ZNF736: variants seen among roughly 807,000 people sequenced by gnomAD.
ZNF736 encodes the protein KRAB-containing zinc-finger repressor protein.
A neutral mutation model predicts 11.7 loss-of-function variants in ZNF736; 6 were observed. That is an observed-to-expected ratio of 0.51 (90% CI 0.28 to 1.01). The LOEUF (loss-of-function observed/expected upper bound fraction) is 1.01. Ranked by LOEUF, ZNF736 falls within the 50% of genes least tolerant of loss-of-function variation. ZNF736 has a pLI of 0.09. For missense variants in ZNF736, 444 were observed against 496.0 expected, an observed-to-expected ratio of 0.90 and a Z score of 1.00; for synonymous variants, 139 against 164.7, an observed-to-expected ratio of 0.84 and a Z score of 1.19.
At chr7:64,335,898 A>G (rs1171461239) in intron 1 of ZNF736, among the ~76,000 whole-genome samples, 1 of 152,210 alleles carries the variant, frequency 6.6e-6, no homozygotes, top group African/African-American at 2.4e-5. Context: ...ATTGCTATAC[A>G]CAATAAGATT....
intron 1 of ZNF736, among the ~76,000 whole-genome samples, chr7:64,317,548 C>T (rs1319474788): frequency 6.6e-6 from 1 of 152,088 alleles, no homozygotes; most frequent in Non-Finnish European, 1.5e-5. Context: ...AGACATTACC[C>T]TTCAATTTAG....
chr7:64,348,075 A>ATT lies in ZNF736; in HGVS notation c.227-8_227-7dup. The ATT allele has an allele frequency of 6.8e-7, 1 of 1,471,704 alleles. No homozygotes were observed. 91.2% of individuals were successfully genotyped at this position (1,471,704 alleles called of 1,614,324 possible). A position where few individuals can be genotyped will look rare whatever the true frequency, so the allele number is the denominator to read the frequency against. Reference sequence around the variant, plus strand: ...CCTGAGTCTAATGAGGGAGAATTTTATTTTTTTTCTCCAGCTGGTTCTTTT... The same window carrying ATT: ...CCTGAGTCTAATGAGGGAGAATTTTATTTTTTTTTTCTCCAGCTGGTTCTTTT... On this transcript the variant is annotated splice_polypyrimidine_tract_variant and intron_variant, in intron 3 of 3. Transcript: ENST00000423484.
At chr7:64,314,364 A>C (rs1788881437) in intron 1 of ZNF736, among the ~76,000 whole-genome samples, 3 of 151,826 alleles carry the variant, frequency 2.0e-5, no homozygotes, top group Non-Finnish European at 4.4e-5. Context: ...TTGTCCCTAA[A>C]CTCGAATTTC....
chr7:64,323,062 G>A (rs1789024096), intron 1 of ZNF736, among the ~76,000 whole-genome samples: 1 of 151,950 alleles, frequency 6.6e-6, no homozygotes, highest in Admixed American at 6.6e-5. Flanking sequence ...CTTGCCTGGT[G>A]CAAACCACAG....
At chr7:64,344,763 C>G (rs1373040239) in intron 3 of ZNF736, among the ~76,000 whole-genome samples, 1 of 152,058 alleles carries the variant, frequency 6.6e-6, no homozygotes, top group Non-Finnish European at 1.5e-5. Flanking sequence ...GTACAAATAA[C>G]TCACTTGACC....
chr7:64,316,288 CT>C (rs1206796576), intron 1 of ZNF736, among the ~76,000 whole-genome samples: 1 of 152,228 alleles, frequency 6.6e-6, no homozygotes, highest in East Asian at 1.9e-4. Context: ...AAGCTAACTG[CT>C]TTAACATTAA....
chr7:64,347,195 T>A (rs2115966761), intron 3 of ZNF736, among the ~76,000 whole-genome samples: 1 of 151,448 alleles, frequency 6.6e-6, no homozygotes, highest in East Asian at 1.9e-4. Flanking sequence ...GCTTGTGTGT[T>A]TTTTAGTTAA....
chr7:64,346,478 T>C (rs1428511637), intron 3 of ZNF736, among the ~76,000 whole-genome samples: 1 of 11,522 alleles, frequency 8.7e-5, no homozygotes, highest in African/African-American at 6.0e-4. Context: ...TGCTTAGACT[T>C]TTTTTTTTTC....
intron 3 of ZNF736, among the ~76,000 whole-genome samples, chr7:64,337,866 T>C (rs1374684645): frequency 6.6e-6 from 1 of 151,710 alleles, no homozygotes; most frequent in Non-Finnish European, 1.5e-5. Context: ...GCGATTCTTC[T>C]GCCTCAGCCT....
rs1324041266 is a variant in ZNF736, at chr7:64,351,318, C to T, written c.*2171C>T. 1 of 152,300 alleles carries T rather than the reference C, an allele frequency of 6.6e-6. No homozygotes were observed. Among genetic ancestry groups the T allele is most frequent in the Non-Finnish European group, 1.5e-5 (1 of 68,064 alleles). The allele number at this position is 152,300 out of a possible 1,614,324, so 9.4% of individuals were successfully genotyped here. ...GCTGGTGGGGCAAGCAAAGCCAAAC[C>T]TGCCTTTGCAGACATGTGCCAGCAA... is the stretch of plus-strand genomic sequence containing the variant. On this transcript the variant is annotated 3_prime_UTR_variant, in exon 4 of 4. Transcript: ENST00000423484.
chr7:64,334,205 C>T (rs933862572), intron 1 of ZNF736, among the ~76,000 whole-genome samples: 1 of 152,054 alleles, frequency 6.6e-6, no homozygotes, highest in Admixed American at 6.5e-5. Context: ...AGAAGAAAAC[C>T]TAGGTAATAC....
intron 1 of ZNF736, among the ~76,000 whole-genome samples, chr7:64,322,155 A>G (rs889339901): frequency 2.0e-5 from 3 of 152,002 alleles, no homozygotes; most frequent in Non-Finnish European, 4.4e-5. Context: ...TAGTGGCTAC[A>G]CCATTTTACA....
rs879332814 is a variant in ZNF736 at position 64,350,807 on chromosome 7, TG to T, written c.*1662del. 1 of 151,092 alleles carries T rather than the reference TG, an allele frequency of 6.6e-6. No homozygotes were observed. Among genetic ancestry groups the T allele is most frequent in the Non-Finnish European group, 1.5e-5 (1 of 68,264 alleles). 9.4% of individuals were successfully genotyped at this position (151,092 alleles called of 1,614,324 possible). A position where few individuals can be genotyped will look rare whatever the true frequency, so the allele number is the denominator to read the frequency against. On this transcript the variant is annotated 3_prime_UTR_variant, in exon 4 of 4. Coordinates refer to ENST00000423484, the MANE Select transcript of ZNF736 (RefSeq NM_001170905.3). ...TGTTTTGTTTTGTTTTGTTTGGTGGTGGTGGTGGGTGGGCAATGCTCAGCTC... is the reference window on the plus strand; with the variant it reads ...TGTTTTGTTTTGTTTTGTTTGGTGGTGTGGTGGGTGGGCAATGCTCAGCTC...
chr7:64,345,013 A>AT (rs1789388497), intron 3 of ZNF736, among the ~76,000 whole-genome samples: 1 of 141,874 alleles, frequency 7.0e-6, no homozygotes, highest in Non-Finnish European at 1.5e-5. Flanking sequence ...AATTTATTTT[A>AT]TTATTTATTT....
chr7:64,340,225 A>G (rs1296191852), intron 3 of ZNF736, among the ~76,000 whole-genome samples: 1 of 152,194 alleles, frequency 6.6e-6, no homozygotes, highest in African/African-American at 2.4e-5. Flanking sequence ...ACTTGCCACA[A>G]ACTGTGACTA....
chr7:64,315,870 T>C (rs1192467804), intron 1 of ZNF736, among the ~76,000 whole-genome samples: 1 of 152,236 alleles, frequency 6.6e-6, no homozygotes, highest in Non-Finnish European at 1.5e-5. Context: ...AAAACGGATG[T>C]GGCATTTTGT....
chr7:64,344,856 G>C (rs1789386147), intron 3 of ZNF736, among the ~76,000 whole-genome samples: 1 of 151,662 alleles, frequency 6.6e-6, no homozygotes, highest in Non-Finnish European at 1.5e-5. Context: ...AAAGTGCTTT[G>C]ATTGATGTAG....
intron 1 of ZNF736, among the ~76,000 whole-genome samples, chr7:64,323,899 A>T (rs551338743): frequency 2.7e-4 from 41 of 152,338 alleles, no homozygotes; most frequent in Middle Eastern, 3.4e-3. Flanking sequence ...TGATTTTTTT[A>T]AAAAAGTAAA....
At chr7:64,327,339 C>T (rs547958110) in intron 1 of ZNF736, among the ~76,000 whole-genome samples, 1 of 152,224 alleles carries the variant, frequency 6.6e-6, no homozygotes, top group African/African-American at 2.4e-5. Flanking sequence ...AGCTATTCCT[C>T]CTCTTTTTTG....
Sources: gnomAD v4.1 joint callset for allele counts (sites outside exome capture counted in the v4.1 genomes callset) on GRCh38, gnomAD v4.1.1 for gene constraint, MANE v1.5 for transcripts, NCBI Gene and HGNC (gene_info 2026-07-23, HGNC 2026-07-21) for gene names.